The following SCFD2 variants were observed in gnomAD, a reference collection of about 807,000 sequenced individuals.
The protein encoded by SCFD2 is sec1 family domain-containing protein 2.
In SCFD2, 54 loss-of-function variants were observed where a neutral mutation model predicts 58.9. That is an observed-to-expected ratio of 0.92 (90% CI 0.74 to 1.15). The LOEUF (loss-of-function observed/expected upper bound fraction) is 1.15, where lower values mean the gene tolerates loss of function less well. Ranked by LOEUF, SCFD2 falls within the 50% of genes most tolerant of loss-of-function variation. The pLI is 0.00. For missense variants in SCFD2, 805 were observed against 836.6 expected (o/e 0.96, Z 0.47); for synonymous variants, 321 against 335.9 (o/e 0.96, Z 0.49).
Position 53,098,714 on chromosome 4 carries a change from T to G in SCFD2, c.1561+46619A>C, listed in dbSNP as rs75285239. 7.8e-4 allele frequency among the ~76,000 whole-genome samples: 118 copies of G among 152,178 alleles called. 1 individual carries two copies. The East Asian group carries it at 0.019, about 24-fold the overall frequency. On this transcript the variant is annotated intron_variant, in intron 5 of 8. Transcript: ENST00000401642. ...TGAGCCTCTTCCCTGACATCTCTAT[T>G]TAATACTTCCTACATGCATGTGTGT...
intron 4 of SCFD2, among the ~76,000 whole-genome samples, chr4:53,270,780 C>T (rs565815641): frequency 6.6e-6 from 1 of 152,090 alleles, no homozygotes; most frequent in African/African-American, 2.4e-5. Flanking sequence ...TTAAAATACC[C>T]ATGAATAAAA....
chr4:52,893,236 C>T (rs557206857), intron 7 of SCFD2, among the ~76,000 whole-genome samples: 2 of 150,706 alleles, frequency 1.3e-5, no homozygotes, highest in South Asian at 4.2e-4. Flanking sequence ...TCCCTTCTTT[C>T]TCTCTCTCTC....
intron 4 of SCFD2, among the ~76,000 whole-genome samples, chr4:53,237,588 C>T (rs866631000): frequency 1.5e-4 from 13 of 85,154 alleles, no homozygotes; most frequent in South Asian, 8.9e-4. Flanking sequence ...CCAGTAGGGG[C>T]GGCCGGGCAG....
At position 52,925,164 on chromosome 4, in the gene SCFD2, TA is replaced by T. The variant is rs529550640; in HGVS notation, c.1562-4295del. 7.9e-4 allele frequency among the ~76,000 whole-genome samples: 120 copies of T among 152,132 alleles called. 2 individuals are homozygous for T. Among genetic ancestry groups the T allele is most frequent in the African/African-American group, 2.5e-3 (105 of 41,510 alleles). ...ACAAACTCACTCAATCAGTACATGG[TA>T]AAGCTAAGATTCAAACCCTTACAGT... On this transcript the variant is annotated intron_variant, in intron 5 of 8. Coordinates refer to ENST00000401642, the MANE Select transcript of SCFD2 (RefSeq NM_152540.4).
At chr4:53,295,463 C>T (rs185773672) in intron 3 of SCFD2, among the ~76,000 whole-genome samples, 35 of 152,226 alleles carry the variant, frequency 2.3e-4, no homozygotes, top group African/African-American at 5.8e-4. Flanking sequence ...TATAGGAATG[C>T]TTGTGATTTT....
chr4:52,967,188 C>T (rs1476762533), intron 5 of SCFD2, among the ~76,000 whole-genome samples: 2 of 152,172 alleles, frequency 1.3e-5, no homozygotes, highest in African/African-American at 4.8e-5. Flanking sequence ...CTTTAAACAA[C>T]CTCAAGGGCA....
At chr4:53,203,815 G>T (rs531138984) in intron 4 of SCFD2, among the ~76,000 whole-genome samples, 3 of 152,180 alleles carry the variant, frequency 2.0e-5, no homozygotes, top group African/African-American at 7.2e-5. Flanking sequence ...AATTCTTCAA[G>T]AAGTAGTTGG....
intron 5 of SCFD2, among the ~76,000 whole-genome samples, chr4:53,026,108 G>GA (rs1722469300): frequency 6.6e-6 from 1 of 151,644 alleles, no homozygotes; most frequent in African/African-American, 2.4e-5. Flanking sequence ...ATAAGACACA[G>GA]AAAAAACTAA....
intron 2 of SCFD2, among the ~76,000 whole-genome samples, chr4:53,327,507 G>C (rs915413966): frequency 2.0e-5 from 3 of 152,208 alleles, no homozygotes; most frequent in African/African-American, 7.2e-5. Context: ...GAGGACTCCA[G>C]TGCAGAAGCA....
intron 4 of SCFD2, among the ~76,000 whole-genome samples, chr4:53,246,901 C>CA (rs144655123): frequency 0.11 from 15,651 of 145,068 alleles, 911 homozygotes; most frequent in East Asian, 0.23. Flanking sequence ...ATCAACAGAG[C>CA]AAACATACAG....
At chr4:53,060,364 T>C (rs2148839586) in intron 5 of SCFD2, among the ~76,000 whole-genome samples, 1 of 152,212 alleles carries the variant, frequency 6.6e-6, no homozygotes, top group Non-Finnish European at 1.5e-5. Context: ...CAAATGTGGA[T>C]ATGTGGCATC....
At chr4:53,311,764 T>G (rs1577958074) in intron 3 of SCFD2, among the ~76,000 whole-genome samples, 1 of 151,882 alleles carries the variant, frequency 6.6e-6, no homozygotes, top group Non-Finnish European at 1.5e-5. Flanking sequence ...GCCTCCTGAG[T>G]AGGTGGGACT....
chr4:53,011,863 A>G (rs898151222), intron 5 of SCFD2, among the ~76,000 whole-genome samples: 6 of 152,178 alleles, frequency 3.9e-5, no homozygotes, highest in African/African-American at 1.4e-4. Flanking sequence ...TCCTCTCTAG[A>G]GGATAAACAA....
intron 4 of SCFD2, among the ~76,000 whole-genome samples, chr4:53,255,379 C>T (rs966355206): frequency 1.3e-5 from 2 of 152,028 alleles, no homozygotes; most frequent in African/African-American, 4.8e-5. Context: ...GTGTTTGTGT[C>T]CCTGGGTACT....
At chr4:52,942,493 T>C (rs1000163272) in intron 5 of SCFD2, among the ~76,000 whole-genome samples, 3 of 152,146 alleles carry the variant, frequency 2.0e-5, no homozygotes, top group Non-Finnish European at 4.4e-5. Flanking sequence ...AGGGAGACTG[T>C]TATGAGTCCT....
chr4:53,186,532 C>G (rs1183214667), intron 4 of SCFD2, among the ~76,000 whole-genome samples: 1 of 151,992 alleles, frequency 6.6e-6, no homozygotes, highest in African/African-American at 2.4e-5. Flanking sequence ...TTAGCAGCAG[C>G]TCTAAAAACA....
At chr4:53,268,628 G>A (rs1731065416) in intron 4 of SCFD2, among the ~76,000 whole-genome samples, 1 of 152,156 alleles carries the variant, frequency 6.6e-6, no homozygotes, top group South Asian at 2.1e-4. Context: ...CACAGTGTGG[G>A]CTTGGTGTGG....
intron 5 of SCFD2, among the ~76,000 whole-genome samples, chr4:53,111,569 A>C (rs1226352044): frequency 1.3e-5 from 2 of 152,158 alleles, no homozygotes; most frequent in African/African-American, 4.8e-5. Flanking sequence ...TCTGGATCAC[A>C]CATTCCTGGA....
At chr4:53,238,332 G>C (rs1158406759) in intron 4 of SCFD2, among the ~76,000 whole-genome samples, 1 of 19,168 alleles carries the variant, frequency 5.2e-5, no homozygotes, top group Non-Finnish European at 1.1e-4. Context: ...CCTCCTGGAC[G>C]GGGCGGCTGG....
Sources: gnomAD v4.1 joint callset for allele counts (sites outside exome capture counted in the v4.1 genomes callset) on GRCh38, gnomAD v4.1.1 for gene constraint, MANE v1.5 for transcripts, NCBI Gene and HGNC (gene_info 2026-07-23, HGNC 2026-07-21) for gene names.